Variants in DNAH11 observed in about 807,000 individuals in gnomAD.
DNAH11 encodes dynein axonemal heavy chain 11, also known as axonemal beta dynein heavy chain 11.
In DNAH11, 442 loss-of-function variants were observed where a neutral mutation model predicts 526.0. That is an observed-to-expected ratio of 0.84 (90% CI 0.78 to 0.91). The LOEUF is 0.91. Among genes scored for constraint, DNAH11 ranks in the 40% least tolerant of loss-of-function variants. The pLI is 0.00. For missense variants in DNAH11, 6,989 were observed against 5,448.7 expected (o/e 1.28, Z -8.90); for synonymous variants, 2,461 against 1,935.9 (o/e 1.27, Z -7.12).
At chr7:21,759,169 T>C (rs974073089) in intron 54 of DNAH11, among the ~76,000 whole-genome samples, 1 of 152,172 alleles carries the variant, frequency 6.6e-6, no homozygotes, top group Admixed American at 6.5e-5. Flanking sequence ...ATAGGTTTGC[T>C]CTTTGCTATC....
chr7:21,865,669 A>G (rs1583788985), intron 70 of DNAH11, among the ~76,000 whole-genome samples: 1 of 152,194 alleles, frequency 6.6e-6, no homozygotes, highest in South Asian at 2.1e-4. Flanking sequence ...GTTTCCAGAA[A>G]GGGGTCCTGA....
chr7:21,643,001 C>T (rs569565318), intron 28 of DNAH11, among the ~76,000 whole-genome samples: 10 of 152,080 alleles, frequency 6.6e-5, no homozygotes, highest in South Asian at 4.2e-4. Context: ...CCAAGGTTAT[C>T]GATTAACTAA....
At chr7:21,603,510 A>G (rs537851476) in intron 18 of DNAH11, among the ~76,000 whole-genome samples, 1 of 152,112 alleles carries the variant, frequency 6.6e-6, no homozygotes, top group South Asian at 2.1e-4. Flanking sequence ...GTTTTGTTTT[A>G]TATTCTGTCA....
chr7:21,650,519 T>G (rs563942743), intron 28 of DNAH11, among the ~76,000 whole-genome samples: 51 of 150,714 alleles, frequency 3.4e-4, no homozygotes, highest in African/African-American at 1.2e-3. Flanking sequence ...TGTGCCATAC[T>G]GATTTAACTA....
At chr7:21,692,851 A>G (rs1294669421) in intron 35 of DNAH11, among the ~76,000 whole-genome samples, 1 of 152,106 alleles carries the variant, frequency 6.6e-6, no homozygotes, top group Non-Finnish European at 1.5e-5. Flanking sequence ...AGCCTTTTTT[A>G]TTTTTAGCCA....
At chr7:21,638,892 T>G in intron 27 of DNAH11, 47 bp from the exon 28 acceptor site, 2 of 1,561,606 alleles carry the variant, frequency 1.3e-6, no homozygotes, top group Non-Finnish European at 1.7e-6. Flanking sequence ...GAAGTTTTAA[T>G]GACTGAAGGG....
intron 46 of DNAH11, among the ~76,000 whole-genome samples, chr7:21,738,464 A>AT (rs1440410473): frequency 1.3e-5 from 2 of 152,298 alleles, no homozygotes; most frequent in Non-Finnish European, 2.9e-5. Flanking sequence ...CACGTGCTGC[A>AT]GTCTCCATAA....
intron 45 of DNAH11, among the ~76,000 whole-genome samples, chr7:21,732,637 T>G (rs1785431821): frequency 6.6e-6 from 1 of 152,208 alleles, no homozygotes; most frequent in Admixed American, 6.5e-5. Context: ...GGAAATTTAT[T>G]ATTTCACAAA....
At chr7:21,590,057 T>C (rs1032231038) in intron 12 of DNAH11, among the ~76,000 whole-genome samples, 69 of 152,162 alleles carry the variant, frequency 4.5e-4, no homozygotes, top group African/African-American at 1.6e-3. Flanking sequence ...AGGTCTTTTG[T>C]TAATGCATGG....
At chr7:21,888,223 T>G (rs1784201432) in intron 76 of DNAH11, among the ~76,000 whole-genome samples, 2 of 152,172 alleles carry the variant, frequency 1.3e-5, no homozygotes, top group South Asian at 4.1e-4. Flanking sequence ...TAAAAATCCC[T>G]AACAGCACTT....
chr7:21,882,417 T>C (rs1222560779), intron 75 of DNAH11, among the ~76,000 whole-genome samples: 2 of 152,200 alleles, frequency 1.3e-5, no homozygotes, highest in Non-Finnish European at 2.9e-5. Flanking sequence ...GAGCACATGT[T>C]TGGTTGTACA....
At chr7:21,684,520 A>G (rs564477486) in intron 32 of DNAH11, among the ~76,000 whole-genome samples, 17 of 152,342 alleles carry the variant, frequency 1.1e-4, no homozygotes, top group East Asian at 5.8e-4. Context: ...AAAAAGATCA[A>G]TATGTTTAAA....
chr7:21,814,232 T>C (rs1385199727), intron 63 of DNAH11, among the ~76,000 whole-genome samples: 1 of 152,148 alleles, frequency 6.6e-6, no homozygotes, highest in Non-Finnish European at 1.5e-5. Flanking sequence ...GAACTAGAAA[T>C]TGCTCTGGTT....
At chr7:21,825,554 A>G (rs1279543764) in intron 65 of DNAH11, among the ~76,000 whole-genome samples, 2 of 152,060 alleles carry the variant, frequency 1.3e-5, no homozygotes, top group Non-Finnish European at 2.9e-5. Context: ...TTTATAATCC[A>G]AAAGATTTCC....
intron 30 of DNAH11, among the ~76,000 whole-genome samples, chr7:21,679,853 T>G (rs1783065539): frequency 6.6e-6 from 1 of 152,078 alleles, no homozygotes; most frequent in African/African-American, 2.4e-5. Context: ...GGATACAGAT[T>G]ATCTTTCTTT....
intron 8 of DNAH11, among the ~76,000 whole-genome samples, chr7:21,576,817 AGT>A (rs1470742535): frequency 6.6e-6 from 1 of 152,256 alleles, no homozygotes; most frequent in African/African-American, 2.4e-5. Context: ...TTATAACAAA[AGT>A]GTGAAAACAC....
chr7:21,854,367 A>G lies in DNAH11; in HGVS notation c.11114A>G (p.Tyr3705Cys), dbSNP rs370580628. 38 of 1,613,792 alleles carry G rather than the reference A, an allele frequency of 2.4e-5. No individual in the cohort carries two copies. The highest frequency in any genetic ancestry group is 1.2e-4 in the Admixed American group (7 of 59,994). ...ERKINEAREC[Y>C]RPVAARASLL... ...AAAATCAACGAGGCCCGAGAATGTT[A>G]CAGACCAGTGGCAGCAAGAGCATCT... The change falls in exon 68 of 82, where the codon TAC (tyrosine) becomes TGC (cysteine). Residue 3705 changes from tyrosine to cysteine, a missense_variant. By Grantham distance (194) the Tyr-to-Cys change is radical. Transcript: ENST00000409508.
rs779664174 is a variant in DNAH11, at chr7:21,543,266, C to T, written c.21C>T (p.Ala7=). 4.5e-6 allele frequency: 7 copies of T among 1,539,754 alleles called. No individual in the cohort carries two copies. The East Asian group carries it at 7.4e-5, about 16-fold the overall frequency. MAAQVA[A]REARDFREAP... ...GCCCAATGGCAGCCCAGGTGGCAGC[C>T]CGGGAGGCGCGAGACTTCAGAGAAG... Residue 7 remains alanine (A), a synonymous_variant, in exon 1 of 82, where the codon GCC becomes GCT. Coordinates refer to ENST00000409508, the MANE Select transcript of DNAH11 (RefSeq NM_001277115.2).
chr7:21,801,365 A>G (rs981024441), intron 62 of DNAH11, 90 bp downstream of exon 62: 3 of 1,501,922 alleles, frequency 2.0e-6, no homozygotes, highest in South Asian at 2.5e-5. Flanking sequence ...AACTAAATAG[A>G]CATGGAATTA....
Sources: gnomAD v4.1 joint callset for allele counts (sites outside exome capture counted in the v4.1 genomes callset) on GRCh38, gnomAD v4.1.1 for gene constraint, MANE v1.5 for transcripts, NCBI Gene and HGNC (gene_info 2026-07-23, HGNC 2026-07-21) for gene names.